NFIB: variants seen among roughly 807,000 people sequenced by gnomAD.
NFIB encodes nuclear factor 1 B-type.
A neutral mutation model predicts 61.5 loss-of-function variants in NFIB; 11 were observed. The observed-to-expected ratio is 0.18, with a 90% CI of 0.11 to 0.30. NFIB has a LOEUF of 0.30. Among genes scored for constraint, NFIB ranks in the 10% least tolerant of loss-of-function variants. The probability of loss-of-function intolerance (pLI) is 1.00; values close to 1 mark genes in which losing one functional copy is unlikely to be tolerated. For missense variants in NFIB, 471 were observed against 608.9 expected (o/e 0.77, Z 2.38); for synonymous variants, 260 against 216.5 (o/e 1.20, Z -1.76).
the NFIB span, among the ~76,000 whole-genome samples, chr9:14,409,158 A>G: frequency 5.3e-5 from 8 of 152,348 alleles, no homozygotes; most frequent in Non-Finnish European, 1.0e-4. Flanking sequence ...CCTCGAGAAC[A>G]TGAATAATAA....
the NFIB span, among the ~76,000 whole-genome samples, chr9:14,422,979 CTTTTA>C: frequency 5.3e-5 from 8 of 152,236 alleles, no homozygotes; most frequent in South Asian, 2.1e-4. Context: ...ATATGGGCAG[CTTTTA>C]TTTTATTTCA....
chr9:14,137,058 T>C (rs1424778104), intron 6 of NFIB, among the ~76,000 whole-genome samples: 1 of 152,176 alleles, frequency 6.6e-6, no homozygotes, highest in Non-Finnish European at 1.5e-5. Flanking sequence ...AAAACCTCTA[T>C]TTAGTAATGG....
At chr9:14,151,201 G>A (rs960279998) in intron 4 of NFIB, among the ~76,000 whole-genome samples, 3 of 152,234 alleles carry the variant, frequency 2.0e-5, no homozygotes, top group East Asian at 3.9e-4. Context: ...TGTATAACAC[G>A]TGCTCAACCA....
At chr9:14,469,054 C>T in the NFIB span, among the ~76,000 whole-genome samples, 134 of 152,190 alleles carry the variant, frequency 8.8e-4, no homozygotes, top group Non-Finnish European at 1.6e-3. Flanking sequence ...CGATTCCACA[C>T]ACTTCAGGTA....
At chr9:14,473,172 T>C in the NFIB span, among the ~76,000 whole-genome samples, 1 of 152,172 alleles carries the variant, frequency 6.6e-6, no homozygotes, top group Non-Finnish European at 1.5e-5. Context: ...TCCCTCAATA[T>C]TGAGCTGCAG....
the NFIB span, among the ~76,000 whole-genome samples, chr9:14,451,168 G>A: frequency 6.6e-6 from 1 of 152,168 alleles, no homozygotes; most frequent in Non-Finnish European, 1.5e-5. Flanking sequence ...CTCCCAGTGG[G>A]ACACCACAAA....
At chr9:14,337,621 C>T (rs2060900182) in intron 1 of NFIB, among the ~76,000 whole-genome samples, 1 of 152,178 alleles carries the variant, frequency 6.6e-6, no homozygotes, top group South Asian at 2.1e-4. Context: ...ATTTTCTAAC[C>T]CTGAGTTGGC....
chr9:14,204,019 T>C (rs761283274), intron 2 of NFIB, among the ~76,000 whole-genome samples: 8 of 152,198 alleles, frequency 5.3e-5, no homozygotes, highest in Non-Finnish European at 1.0e-4. Flanking sequence ...CACTTTCCCA[T>C]TTGCAATGGC....
At chr9:14,473,545 C>T in the NFIB span, among the ~76,000 whole-genome samples, 131 of 152,280 alleles carry the variant, frequency 8.6e-4, 2 homozygotes, top group African/African-American at 2.9e-3. Context: ...CACTGTGTTG[C>T]TTCTCAAGCT....
intron 2 of NFIB, among the ~76,000 whole-genome samples, chr9:14,232,149 G>C (rs1360094264): frequency 6.6e-6 from 1 of 152,184 alleles, no homozygotes; most frequent in Non-Finnish European, 1.5e-5. Flanking sequence ...GCGACACCAT[G>C]GCTAGGTAAG....
chr9:14,187,977 C>G (rs1465197133), intron 2 of NFIB, among the ~76,000 whole-genome samples: 1 of 152,122 alleles, frequency 6.6e-6, no homozygotes, highest in Non-Finnish European at 1.5e-5. Context: ...CTAGGATAAT[C>G]ATATCTGACC....
At chr9:14,099,645 G>A (rs2035414893) in intron 10 of NFIB, among the ~76,000 whole-genome samples, 1 of 152,182 alleles carries the variant, frequency 6.6e-6, no homozygotes. Context: ...TTTAAGAACT[G>A]TCAGCATTGG....
chr9:14,194,543 T>C (rs1183534128), intron 2 of NFIB, among the ~76,000 whole-genome samples: 1 of 152,202 alleles, frequency 6.6e-6, no homozygotes, highest in Non-Finnish European at 1.5e-5. Flanking sequence ...ACTTTCATTC[T>C]AAGTTACAGT....
At chr9:14,150,361 A>AGAT (rs1298604740) in intron 4 of NFIB, 96 bp from the exon 5 acceptor site, 7 of 1,568,122 alleles carry the variant, frequency 4.5e-6, no homozygotes, top group Non-Finnish European at 6.0e-6. Flanking sequence ...CTCTGGTCAA[A>AGAT]GATAGAGAGA....
chr9:14,485,970 C>G, the NFIB span, among the ~76,000 whole-genome samples: 8 of 152,076 alleles, frequency 5.3e-5, no homozygotes, highest in African/African-American at 1.9e-4. Context: ...GACAAATAAA[C>G]AGATACATAT....
intron 1 of NFIB, among the ~76,000 whole-genome samples, chr9:14,365,240 A>G (rs183711710): frequency 6.6e-6 from 1 of 152,358 alleles, no homozygotes; most frequent in Admixed American, 6.5e-5. Flanking sequence ...CATCTCTAAA[A>G]TAAGATGATT....
chr9:14,498,974 G>C, the NFIB span, among the ~76,000 whole-genome samples: 259 of 152,136 alleles, frequency 1.7e-3, no homozygotes, highest in Middle Eastern at 3.4e-3. Flanking sequence ...GCTATGTATG[G>C]AAGTCATTGG....
the NFIB span, among the ~76,000 whole-genome samples, chr9:14,530,852 C>T: frequency 4.0e-5 from 6 of 148,776 alleles, no homozygotes; most frequent in Admixed American, 3.4e-4. Flanking sequence ...CAATAATTAT[C>T]GAAGCAAACG....
chr9:14,513,604 G>A, the NFIB span, among the ~76,000 whole-genome samples: 1 of 149,698 alleles, frequency 6.7e-6, no homozygotes, highest in African/African-American at 2.5e-5. Flanking sequence ...CTCCAGCCTG[G>A]GTGACAGAGC....
Sources: gnomAD v4.1 joint callset for allele counts (sites outside exome capture counted in the v4.1 genomes callset) on GRCh38, gnomAD v4.1.1 for gene constraint, MANE v1.5 for transcripts, NCBI Gene and HGNC (gene_info 2026-07-23, HGNC 2026-07-21) for gene names.